GALNT13: variants seen among roughly 807,000 people sequenced by gnomAD.
GALNT13 encodes the protein polypeptide N-acetylgalactosaminyltransferase 13.
Under a neutral mutation model 64.2 loss-of-function variants are expected in GALNT13, and 28 were observed. The observed-to-expected ratio is 0.44, with a 90% CI of 0.32 to 0.60. The LOEUF (loss-of-function observed/expected upper bound fraction) is 0.60. Among genes scored for constraint, GALNT13 ranks in the 20% least tolerant of loss-of-function variants. The probability of loss-of-function intolerance (pLI) is 0.05; values close to 1 mark genes in which losing one functional copy is unlikely to be tolerated. For synonymous variants in GALNT13, 214 were observed against 224.6 expected (o/e 0.95, Z 0.42); for missense variants, 577 against 669.8 (o/e 0.86, Z 1.53).
the GALNT13 span, among the ~76,000 whole-genome samples, chr2:153,686,377 T>C: frequency 6.6e-6 from 1 of 152,016 alleles, no homozygotes; most frequent in Non-Finnish European, 1.5e-5. Flanking sequence ...TAGTTAGCTG[T>C]ATTCCTAGGT....
intron 1 of GALNT13, among the ~76,000 whole-genome samples, chr2:153,896,505 T>C (rs1394647322): frequency 1.3e-5 from 2 of 152,008 alleles, no homozygotes; most frequent in Non-Finnish European, 1.5e-5. Context: ...GCTATCACTC[T>C]GGATTTCTCA....
At chr2:153,538,064 A>G in the GALNT13 span, among the ~76,000 whole-genome samples, 1 of 152,186 alleles carries the variant, frequency 6.6e-6, no homozygotes, top group Non-Finnish European at 1.5e-5. Context: ...AATGTGGGAA[A>G]GTTTGGAACT....
intron 9 of GALNT13, among the ~76,000 whole-genome samples, chr2:154,384,804 G>A (rs943325282): frequency 5.3e-5 from 8 of 151,886 alleles, no homozygotes; most frequent in East Asian, 1.9e-4. Context: ...GTATTATGCC[G>A]AGGATATTCT....
At chr2:153,765,789 A>T in the GALNT13 span, among the ~76,000 whole-genome samples, 1 of 152,028 alleles carries the variant, frequency 6.6e-6, no homozygotes, top group Non-Finnish European at 1.5e-5. Flanking sequence ...CCAAATAGAG[A>T]TAATTGAATC....
the GALNT13 span, among the ~76,000 whole-genome samples, chr2:153,237,874 G>C: frequency 6.6e-6 from 1 of 151,976 alleles, no homozygotes; most frequent in African/African-American, 2.4e-5. Context: ...TGGATAATAT[G>C]GTAGTTCTAT....
chr2:153,827,705 G>T, the GALNT13 span, among the ~76,000 whole-genome samples: 1 of 150,670 alleles, frequency 6.6e-6, no homozygotes, highest in Non-Finnish European at 1.5e-5. Context: ...CAAATCTCAT[G>T]TCCTCACATT....
chr2:154,128,366 C>T (rs957856282), intron 3 of GALNT13, among the ~76,000 whole-genome samples: 4 of 151,960 alleles, frequency 2.6e-5, no homozygotes, highest in Non-Finnish European at 4.4e-5. Context: ...TAATGGCATG[C>T]TTGCATTATT....
At chr2:153,635,241 C>A in the GALNT13 span, among the ~76,000 whole-genome samples, 2 of 151,778 alleles carry the variant, frequency 1.3e-5, no homozygotes, top group Admixed American at 6.6e-5. Context: ...AGAAATTTTG[C>A]CATCCCCCAA....
At chr2:153,611,941 G>A in the GALNT13 span, among the ~76,000 whole-genome samples, 2 of 151,544 alleles carry the variant, frequency 1.3e-5, no homozygotes, top group South Asian at 2.1e-4. Context: ...CCACTTATGA[G>A]TGACAACGTG....
At chr2:153,920,940 A>G (rs1454541382) in intron 2 of GALNT13, among the ~76,000 whole-genome samples, 1 of 152,198 alleles carries the variant, frequency 6.6e-6, no homozygotes, top group Non-Finnish European at 1.5e-5. Context: ...ATCTTACAGC[A>G]GTCAGAATGG....
the GALNT13 span, among the ~76,000 whole-genome samples, chr2:153,630,801 ATATATAT>A: frequency 0.021 from 368 of 17,226 alleles, 5 homozygotes; most frequent in African/African-American, 0.049. Context: ...ATATATATAT[ATATATAT>A]TTTTTTTTTT....
the GALNT13 span, among the ~76,000 whole-genome samples, chr2:153,415,961 A>G: frequency 6.6e-6 from 1 of 152,192 alleles, no homozygotes; most frequent in African/African-American, 2.4e-5. Context: ...CAACCCATTT[A>G]AAAGTGTTTA....
the GALNT13 span, among the ~76,000 whole-genome samples, chr2:153,433,622 A>T: frequency 2.0e-5 from 3 of 152,140 alleles, no homozygotes; most frequent in Non-Finnish European, 2.9e-5. Flanking sequence ...TTGCAAAAAA[A>T]ATCCTTAGCA....
At chr2:153,416,107 C>T in the GALNT13 span, among the ~76,000 whole-genome samples, 1 of 152,102 alleles carries the variant, frequency 6.6e-6, no homozygotes, top group Non-Finnish European at 1.5e-5. Flanking sequence ...AAGCAGTCCT[C>T]TGGTTTTGTG....
intron 9 of GALNT13, among the ~76,000 whole-genome samples, chr2:154,324,590 G>A (rs866109050): frequency 3.9e-5 from 6 of 152,080 alleles, no homozygotes; most frequent in South Asian, 2.1e-4. Context: ...CTGAAAAGAA[G>A]GAATCATTTC....
At chr2:153,538,525 A>C in the GALNT13 span, among the ~76,000 whole-genome samples, 1 of 74,804 alleles carries the variant, frequency 1.3e-5, no homozygotes, top group Non-Finnish European at 2.4e-5. Flanking sequence ...ATATCTCCCA[A>C]TGCTATCCCT....
the GALNT13 span, among the ~76,000 whole-genome samples, chr2:153,112,398 CA>C: frequency 6.6e-6 from 1 of 152,066 alleles, no homozygotes; most frequent in African/African-American, 2.4e-5. Context: ...AATCTAGGTT[CA>C]GTATTAGGCA....
chr2:153,647,234 A>T, the GALNT13 span, among the ~76,000 whole-genome samples: 1 of 152,146 alleles, frequency 6.6e-6, no homozygotes, highest in Non-Finnish European at 1.5e-5. Flanking sequence ...GCATTTTTTC[A>T]TGTATCTGTT....
At chr2:153,194,772 G>A in the GALNT13 span, among the ~76,000 whole-genome samples, 3 of 152,136 alleles carry the variant, frequency 2.0e-5, no homozygotes, top group South Asian at 2.1e-4. Context: ...AATGTTGGTC[G>A]TGTAGGGGAG....
Sources: gnomAD v4.1 joint callset for allele counts (sites outside exome capture counted in the v4.1 genomes callset) on GRCh38, gnomAD v4.1.1 for gene constraint, MANE v1.5 for transcripts, NCBI Gene and HGNC (gene_info 2026-07-23, HGNC 2026-07-21) for gene names.